Variants in RAB27B observed in about 807,000 individuals in gnomAD.
The protein encoded by RAB27B is RAB27B, member RAS oncogene family.
In RAB27B, 15 loss-of-function variants were observed where a neutral mutation model predicts 24.6. That is an observed-to-expected ratio of 0.61 (90% confidence interval 0.41 to 0.94). The LOEUF (loss-of-function observed/expected upper bound fraction) is 0.94. Among genes scored for constraint, RAB27B ranks in the 40% least tolerant of loss-of-function variants. RAB27B has a pLI of 0.00. For missense variants in RAB27B, 261 were observed against 266.8 expected, an observed-to-expected ratio of 0.98 and a Z score of 0.15; for synonymous variants, 105 against 92.5, an observed-to-expected ratio of 1.14 and a Z score of -0.78.
chr18:54,750,632 G>A (rs1009499520), intron 2 of RAB27B, among the ~76,000 whole-genome samples: 32 of 152,122 alleles, frequency 2.1e-4, no homozygotes, highest in African/African-American at 7.7e-4. Flanking sequence ...GTTCCCTGAA[G>A]GAATTCATTC....
At chr18:54,727,835 C>T (rs1023421908) in intron 2 of RAB27B, among the ~76,000 whole-genome samples, 9 of 152,082 alleles carry the variant, frequency 5.9e-5, no homozygotes, top group African/African-American at 1.4e-4. Flanking sequence ...ATTATGCCAC[C>T]GTTTAAAATG....
At chr18:54,845,114 A>C (rs2145207414) in intron 1 of RAB27B, among the ~76,000 whole-genome samples, 1 of 152,232 alleles carries the variant, frequency 6.6e-6, no homozygotes, top group Middle Eastern at 3.4e-3. Context: ...GTAGGGTAAA[A>C]ATCCATTTAG....
At chr18:54,814,067 C>T (rs1002303032) in intron 2 of RAB27B, among the ~76,000 whole-genome samples, 4 of 152,174 alleles carry the variant, frequency 2.6e-5, no homozygotes, top group African/African-American at 9.6e-5. Context: ...CATCTATTTT[C>T]ATTTAATTAA....
chr18:54,776,127 A>G (rs1432703228), intron 2 of RAB27B, among the ~76,000 whole-genome samples: 1 of 152,248 alleles, frequency 6.6e-6, no homozygotes, highest in Non-Finnish European at 1.5e-5. Flanking sequence ...TTGTTTTTTA[A>G]GAAAATGTCA....
At chr18:54,771,270 G>A (rs974055371) in intron 2 of RAB27B, among the ~76,000 whole-genome samples, 4 of 152,146 alleles carry the variant, frequency 2.6e-5, no homozygotes, top group African/African-American at 9.7e-5. Context: ...TAAAAAAACT[G>A]CACATGTTTA....
intron 2 of RAB27B, among the ~76,000 whole-genome samples, chr18:54,793,726 A>G (rs1909326569): frequency 6.6e-6 from 1 of 152,228 alleles, no homozygotes; most frequent in South Asian, 2.1e-4. Context: ...AGAACATGGC[A>G]CACTGTAATG....
intron 1 of RAB27B, among the ~76,000 whole-genome samples, chr18:54,861,296 A>G (rs12954118): frequency 6.6e-6 from 1 of 152,210 alleles, no homozygotes; most frequent in African/African-American, 2.4e-5. Context: ...TTTAAAACCA[A>G]ATCTTTTTCT....
chr18:54,771,591 AGTGTGTGTGT>A (rs36228307), intron 2 of RAB27B, among the ~76,000 whole-genome samples: 6,537 of 144,904 alleles, frequency 0.045, 218 homozygotes, highest in Admixed American at 0.081. Context: ...CTGATAGTTT[AGTGTGTGTGT>A]GTGTGTGTGT....
chr18:54,809,821 TTTC>T (rs1197964645), intron 2 of RAB27B, among the ~76,000 whole-genome samples: 1 of 152,236 alleles, frequency 6.6e-6, no homozygotes, highest in Non-Finnish European at 1.5e-5. Flanking sequence ...TTAAGATTAA[TTTC>T]TTGGAAAATT....
chr18:54,729,371 C>G (rs557192982), intron 2 of RAB27B, among the ~76,000 whole-genome samples: 1 of 151,840 alleles, frequency 6.6e-6, no homozygotes, highest in South Asian at 2.1e-4. Flanking sequence ...TGAAAAAGGC[C>G]GGAAGGAAGA....
chr18:54,808,326 A>G (rs1268620104), intron 2 of RAB27B, among the ~76,000 whole-genome samples: 2 of 152,136 alleles, frequency 1.3e-5, no homozygotes, highest in African/African-American at 2.4e-5. Flanking sequence ...CTCCAATTCA[A>G]TCCACACTCT....
intron 2 of RAB27B, among the ~76,000 whole-genome samples, chr18:54,761,454 A>C (rs1018748149): frequency 1.3e-5 from 2 of 152,204 alleles, no homozygotes; most frequent in Non-Finnish European, 1.5e-5. Flanking sequence ...ATTGCAACAA[A>C]ATATACTAAG....
chr18:54,810,550 CT>C (rs1909929134), intron 2 of RAB27B, among the ~76,000 whole-genome samples: 2 of 151,984 alleles, frequency 1.3e-5, no homozygotes, highest in African/African-American at 4.8e-5. Context: ...AAAAATCAGG[CT>C]GGGTGCCAAG....
intron 2 of RAB27B, among the ~76,000 whole-genome samples, chr18:54,819,956 T>A (rs972934770): frequency 6.6e-6 from 1 of 152,182 alleles, no homozygotes; most frequent in Admixed American, 6.5e-5. Flanking sequence ...GAACTCATCA[T>A]TTTTTTGGCT....
chr18:54,770,942 G>A (rs1908527245), intron 2 of RAB27B, among the ~76,000 whole-genome samples: 2 of 152,256 alleles, frequency 1.3e-5, no homozygotes, highest in Non-Finnish European at 2.9e-5. Context: ...AATTCTAGGA[G>A]CAGAGACACT....
At chr18:54,782,159 T>C (rs147998913) in intron 2 of RAB27B, among the ~76,000 whole-genome samples, 2 of 152,230 alleles carry the variant, frequency 1.3e-5, no homozygotes, top group African/African-American at 2.4e-5. Context: ...CTGTTGGAAT[T>C]CATTATTCTA....
At chr18:54,741,876 T>C (rs1272780306) in intron 2 of RAB27B, among the ~76,000 whole-genome samples, 9 of 152,150 alleles carry the variant, frequency 5.9e-5, no homozygotes, top group African/African-American at 1.9e-4. Flanking sequence ...AAGCTGGCAG[T>C]AGGTAAGAAG....
At chr18:54,797,827 A>G (rs1909473519) in intron 2 of RAB27B, among the ~76,000 whole-genome samples, 1 of 152,176 alleles carries the variant, frequency 6.6e-6, no homozygotes, top group Admixed American at 6.5e-5. Flanking sequence ...TTATTTGCAT[A>G]ATGGTATTTC....
chr18:54,739,400 G>A (rs1253515108), intron 2 of RAB27B, among the ~76,000 whole-genome samples: 3 of 147,144 alleles, frequency 2.0e-5, no homozygotes, highest in African/African-American at 7.6e-5. Flanking sequence ...AGGTTACAGT[G>A]AGCTGAGATC....
Sources: gnomAD v4.1 joint callset for allele counts (sites outside exome capture counted in the v4.1 genomes callset) on GRCh38, gnomAD v4.1.1 for gene constraint, MANE v1.5 for transcripts, NCBI Gene and HGNC (gene_info 2026-07-23, HGNC 2026-07-21) for gene names.